The following FGD2 variants were observed in gnomAD, a reference collection of about 807,000 sequenced individuals.
FGD2 encodes the protein FYVE, RhoGEF and PH domain-containing protein 2.
FGD2 carries 52 observed loss-of-function variants against 75.9 expected under a neutral mutation model. The ratio of observed to expected loss-of-function variants is 0.69; its 90% confidence interval spans 0.55 to 0.86. The LOEUF is 0.86. Ranked by LOEUF, FGD2 falls within the 40% of genes least tolerant of loss-of-function variation. FGD2 has a pLI of 0.00. For synonymous variants in FGD2, 347 were observed against 348.6 expected, an observed-to-expected ratio of 1.00 and a Z score of 0.05; for missense variants, 790 against 872.0, an observed-to-expected ratio of 0.91 and a Z score of 1.18.
intron 11 of FGD2, 148 bp downstream of exon 11, chr6:37,020,887 CAT>C: frequency 1.4e-5 from 10 of 697,302 alleles, no homozygotes; most frequent in South Asian, 3.9e-5. Context: ...TGTATGTATG[CAT>C]GTGTGTGTGT....
Position 37,026,207 on chromosome 6 carries a change from T to C in FGD2, c.1605+269T>C, listed in dbSNP as rs912736505. 4.1e-6 allele frequency: 4 copies of C among 985,268 alleles called. No individual in the cohort carries two copies. The African/African-American group carries it at 7.0e-5, about 17-fold the overall frequency. 61.0% of individuals were successfully genotyped at this position (985,268 alleles called of 1,614,324 possible). ...GCACTTCCTCTATGTCCCCATCCGA[T>C]AGTACGGCCCCTCTGGACAGCTCAT... On this transcript the variant is annotated intron_variant, in intron 14 of 15. Transcript: ENST00000274963.
chr6:37,006,754 G>A (rs1217922609), intron 1 of FGD2, among the ~76,000 whole-genome samples: 1 of 152,186 alleles, frequency 6.6e-6, no homozygotes, highest in Non-Finnish European at 1.5e-5. Flanking sequence ...GTTTGCCTCA[G>A]GTGATTTATC....
chr6:37,014,766 A>C, intron 7 of FGD2, 62 bp downstream of exon 7: 1 of 1,610,442 alleles, frequency 6.2e-7, no homozygotes, highest in Non-Finnish European at 8.5e-7. Context: ...GCCTGGTCCC[A>C]CCCATGACAC....
chr6:37,027,363 C>T (rs1326265262), intron 14 of FGD2, 66 bp from the exon 15 acceptor site: 2 of 1,537,882 alleles, frequency 1.3e-6, no homozygotes, highest in African/African-American at 1.4e-5. Context: ...GATTGTCAAG[C>T]CCCCAGACCA....
Position 37,020,754 on chromosome 6 carries a change from C to T in FGD2, c.1233+15C>T, listed in dbSNP as rs894716223. ...CCTGGATGCAGGTATGGGAACGCTC[C>T]GAGGCTTCTGGGAGTCTTTTTCCTT... On this transcript the variant is annotated intron_variant, in intron 11 of 15. Transcript: ENST00000274963. The T allele has an allele frequency of 2.0e-5, 31 of 1,561,100 alleles. No individual in the cohort carries two copies. The highest frequency in any genetic ancestry group is 1.7e-4 in the Middle Eastern group (1 of 5,964).
At position 37,026,221 on chromosome 6, in the gene FGD2, T is replaced by C. The variant is rs975677225; in HGVS notation, c.1605+283T>C. 4 of 985,306 alleles carry C rather than the reference T, an allele frequency of 4.1e-6. No individual in the cohort carries two copies. In the African/African-American group the frequency reaches 7.0e-5, roughly 17 times the overall value. 61.0% of individuals were successfully genotyped at this position (985,306 alleles called of 1,614,324 possible). A position where few individuals can be genotyped will look rare whatever the true frequency, so the allele number is the denominator to read the frequency against. On this transcript the variant is annotated intron_variant, in intron 14 of 15. Coordinates refer to ENST00000274963, the MANE Select transcript of FGD2 (RefSeq NM_173558.4). ...TCCCCATCCGATAGTACGGCCCCTC[T>C]GGACAGCTCATGTTCACGTCCCCAT...
chr6:37,009,406 A>G (rs1343786864), intron 2 of FGD2: 1 of 233,616 alleles, frequency 4.3e-6, no homozygotes, highest in African/African-American at 2.3e-5. Flanking sequence ...GCCTCAGTTT[A>G]CCCACTGGAG....
chr6:37,010,335 C>T (rs1410925081), intron 2 of FGD2, among the ~76,000 whole-genome samples: 2 of 152,188 alleles, frequency 1.3e-5, no homozygotes, highest in Non-Finnish European at 2.9e-5. Context: ...GGTGTGTCTT[C>T]CTCTTCTGAC....
Position 37,008,919 on chromosome 6 carries a change from C to T in FGD2, c.154C>T (p.Arg52Trp), listed in dbSNP as rs142160745. 73 of 1,614,166 alleles carry T rather than the reference C, an allele frequency of 4.5e-5. 1 individual carries two copies. The highest frequency in any genetic ancestry group is 1.6e-4 in the Middle Eastern group (1 of 6,062). Reference sequence around the variant, plus strand: ...CAGGCCTCCCGAGTCCCCAGGACCACGGGAGAAGACGAATGTCGGGGAGGC... The same window carrying T: ...CAGGCCTCCCGAGTCCCCAGGACCATGGGAGAAGACGAATGTCGGGGAGGC... ...ECRPPESPGPREKTNVGEAVG... is the reference protein window; with the variant it reads ...ECRPPESPGPWEKTNVGEAVG... Residue 52 changes from arginine to tryptophan, a missense_variant, in exon 2 of 16, where the codon CGG becomes TGG. Physicochemically the swap from Arg to Trp is moderately radical, Grantham distance 101 (BLOSUM62 -3). Transcript: ENST00000274963.
chr6:37,026,640 C>T (rs1241954874), intron 14 of FGD2, among the ~76,000 whole-genome samples: 1 of 152,154 alleles, frequency 6.6e-6, no homozygotes, highest in Non-Finnish European at 1.5e-5. Flanking sequence ...GTTGACATCC[C>T]ACCGTCCCTG....
chr6:37,009,949 G>A (rs1479898425), intron 2 of FGD2: 1 of 151,376 alleles, frequency 6.6e-6, no homozygotes, highest in Non-Finnish European at 1.5e-5. Context: ...AGGAGGAGGA[G>A]GTTGCAGTGA....
intron 3 of FGD2, 114 bp downstream of exon 3, chr6:37,011,164 C>G: frequency 1.9e-6 from 2 of 1,032,528 alleles, no homozygotes. Context: ...CTGGCTTTGA[C>G]TCCAGGAAGC....
intron 11 of FGD2, among the ~76,000 whole-genome samples, 158 bp downstream of exon 11, chr6:37,020,897 T>TGTGTGC (rs1245859866): frequency 6.6e-6 from 1 of 151,334 alleles, no homozygotes; most frequent in Non-Finnish European, 1.5e-5. Context: ...CATGTGTGTG[T>TGTGTGC]GTGTGTGTGT....
chr6:37,026,047 G>T, intron 14 of FGD2, 109 bp downstream of exon 14: 3 of 1,493,610 alleles, frequency 2.0e-6, no homozygotes, highest in South Asian at 1.3e-5. Context: ...AGCCAGCCAT[G>T]GTCACACCCT....
chr6:37,018,977 G>A (rs1037099218), intron 9 of FGD2, among the ~76,000 whole-genome samples: 1 of 152,176 alleles, frequency 6.6e-6, no homozygotes, highest in Non-Finnish European at 1.5e-5. Flanking sequence ...AAACCTGCTG[G>A]GGAGCTGGAA....
intron 11 of FGD2, among the ~76,000 whole-genome samples, chr6:37,021,065 T>C (rs1299720245): frequency 1.3e-5 from 2 of 151,826 alleles, no homozygotes; most frequent in Non-Finnish European, 2.9e-5. Flanking sequence ...CATGTGTGCA[T>C]GTGTTTGTGT....
intron 3 of FGD2, 36 bp downstream of exon 3, chr6:37,011,086 C>T (rs1480730698): frequency 1.3e-6 from 2 of 1,593,566 alleles, no homozygotes; most frequent in Admixed American, 1.7e-5. Flanking sequence ...AGAGCCCCAG[C>T]CCTGGGTCTC....
intron 13 of FGD2, 67 bp downstream of exon 13, chr6:37,022,437 G>C: frequency 6.7e-7 from 1 of 1,496,926 alleles, no homozygotes; most frequent in Non-Finnish European, 8.9e-7. Flanking sequence ...CATCACCCAG[G>C]CCTCCACCTT....
Position 37,008,839 on chromosome 6 carries a change from C to T in FGD2, c.74C>T (p.Pro25Leu), listed in dbSNP as rs774972187. The T allele has an allele frequency of 5.0e-6, 8 of 1,587,276 alleles. No homozygotes were observed. The highest frequency in any genetic ancestry group is 6.9e-6 in the Non-Finnish European group (8 of 1,163,706). ...GGTCTGTCTCTTCTCCTCAGGACCC[C>T]AGAAGCAGCACCCAGAGGCCAGAGG... The part of the protein sequence containing the change: ...LVTVFENSRT[P>L]EAAPRGQRLE... Residue 25 changes from proline to leucine, a missense_variant, in exon 2 of 16, where the codon CCA becomes CTA. Pro to Leu is a moderately conservative substitution (Grantham distance 98, BLOSUM62 -3). Transcript: ENST00000274963.
Sources: allele counts gnomAD v4.1 joint callset (sites outside exome capture counted in the v4.1 genomes callset), GRCh38; gene constraint gnomAD v4.1.1; transcripts MANE v1.5; gene names NCBI Gene and HGNC (gene_info 2026-07-23, HGNC 2026-07-21).